Variants in GNB4 observed in about 807,000 individuals in gnomAD.
GNB4 encodes G protein subunit beta 4, also known as guanine nucleotide-binding protein subunit beta-4.
GNB4 carries 28 observed loss-of-function variants against 45.2 expected under a neutral mutation model. The observed-to-expected ratio is 0.62, with a 90% CI of 0.46 to 0.85. The LOEUF is 0.85. GNB4 is among the 40% of genes least tolerant of loss of function. The pLI, the probability that GNB4 is intolerant of heterozygous loss-of-function variation, is 0.00. For synonymous variants in GNB4, 132 were observed against 143.7 expected (o/e 0.92, Z 0.58); for missense variants, 321 against 425.4 (o/e 0.75, Z 2.16).
At chr3:179,527,538 A>G in the GNB4 span, among the ~76,000 whole-genome samples, 1 of 152,248 alleles carries the variant, frequency 6.6e-6, no homozygotes, top group African/African-American at 2.4e-5. Flanking sequence ...CAAGAATCCA[A>G]TGAGAAAACT....
chr3:179,443,699 T>C (rs906553356), intron 1 of GNB4, among the ~76,000 whole-genome samples: 3 of 152,230 alleles, frequency 2.0e-5, no homozygotes, highest in Admixed American at 2.0e-4. Flanking sequence ...CTTATGGTGA[T>C]ACTGTTCTGA....
At chr3:179,526,740 A>G in the GNB4 span, among the ~76,000 whole-genome samples, 1 of 152,214 alleles carries the variant, frequency 6.6e-6, no homozygotes, top group Non-Finnish European at 1.5e-5. Context: ...GTCTGGTTGT[A>G]TAAACTCTGG....
chr3:179,401,682 A>G (rs1714308286), intron 9 of GNB4, among the ~76,000 whole-genome samples: 1 of 152,210 alleles, frequency 6.6e-6, no homozygotes, highest in African/African-American at 2.4e-5. Flanking sequence ...TGAGCTATGT[A>G]TGCTATTCTC....
intron 8 of GNB4, among the ~76,000 whole-genome samples, chr3:179,406,972 T>C (rs544532996): frequency 9.8e-4 from 149 of 152,350 alleles, no homozygotes; most frequent in Non-Finnish European, 1.9e-3. Flanking sequence ...TTCTACTCAA[T>C]GTTTTTCTTC....
the GNB4 span, among the ~76,000 whole-genome samples, chr3:179,492,304 G>A: frequency 6.6e-6 from 1 of 152,114 alleles, no homozygotes; most frequent in Non-Finnish European, 1.5e-5. Context: ...GCTTCCCCTA[G>A]GAAAGGAGCA....
rs145041041 is a variant in GNB4, at chr3:179,403,038, T to C, written c.917-1719A>G. Among the ~76,000 whole-genome samples, 456 of 152,306 alleles carry C rather than the reference T, an allele frequency of 3.0e-3. 3 individuals carry two copies. The highest frequency in any genetic ancestry group is 0.011 in the African/African-American group (442 of 41,558). ...ATGTTGTGGTCCCTCAGGTTTTCTC[T>C]TGAAATCAGCCCTCAAACTGGCAGC... On this transcript the variant is annotated intron_variant, in intron 9 of 9. Coordinates refer to ENST00000232564, the MANE Select transcript of GNB4 (RefSeq NM_021629.4).
At chr3:179,489,044 A>C in the GNB4 span, among the ~76,000 whole-genome samples, 6 of 81,382 alleles carry the variant, frequency 7.4e-5, no homozygotes, top group African/African-American at 1.3e-4. Flanking sequence ...ATATATATAT[A>C]TAATATATAT....
chr3:179,503,220 G>A, the GNB4 span, among the ~76,000 whole-genome samples: 2 of 152,174 alleles, frequency 1.3e-5, no homozygotes, highest in African/African-American at 4.8e-5. Flanking sequence ...AGAATGATAA[G>A]CATGCTGAAG....
chr3:179,500,247 G>A, the GNB4 span, among the ~76,000 whole-genome samples: 1 of 152,114 alleles, frequency 6.6e-6, no homozygotes, highest in Non-Finnish European at 1.5e-5. Flanking sequence ...TCCATCTTGA[G>A]TTAATTTTTG....
the GNB4 span, among the ~76,000 whole-genome samples, chr3:179,499,073 G>A: frequency 1.3e-5 from 2 of 151,248 alleles, no homozygotes; most frequent in African/African-American, 2.4e-5. Flanking sequence ...CGTCATCCGT[G>A]TCCCTACAAA....
At chr3:179,476,209 G>C in the GNB4 span, among the ~76,000 whole-genome samples, 1 of 152,204 alleles carries the variant, frequency 6.6e-6, no homozygotes, top group African/African-American at 2.4e-5. Flanking sequence ...TTTCCAAAAG[G>C]AGGAAATGGG....
intron 8 of GNB4, among the ~76,000 whole-genome samples, chr3:179,406,785 T>C (rs1714483612): frequency 6.6e-6 from 1 of 152,040 alleles, no homozygotes; most frequent in Non-Finnish European, 1.5e-5. Context: ...GCTAATTTTT[T>C]TGCATTTTTA....
At chr3:179,438,918 T>TCC (rs111329606) in intron 1 of GNB4, among the ~76,000 whole-genome samples, 3 of 152,060 alleles carry the variant, frequency 2.0e-5, no homozygotes, top group African/African-American at 7.2e-5. Flanking sequence ...CTGTGGCCCA[T>TCC]CCCCCACCCT....
rs1459911526 is a variant in GNB4 at position 179,413,422 on chromosome 3, T to C, written c.689A>G (p.Asn230Ser). Residue 230 changes from asparagine to serine, a missense_variant, in exon 8 of 10, where the codon AAT becomes AGT. Physicochemically the swap from Asn to Ser is conservative, Grantham distance 46. Coordinates refer to ENST00000232564, the MANE Select transcript of GNB4 (RefSeq NM_021629.4). ...QSFTGHVSDI[N>S]AVSFFPNGYA... ...ATGCTATTCACTTACACTGACAGCA[T>C]TGATATCTGAGACATGTCCCGTGAA... is the stretch of plus-strand genomic sequence containing the variant. 6.8e-6 allele frequency: 11 copies of C among 1,613,170 alleles called. No homozygotes were observed. Among genetic ancestry groups the C allele is most frequent in the South Asian group, 1.1e-5 (1 of 91,078 alleles).
chr3:179,493,453 C>T, the GNB4 span, among the ~76,000 whole-genome samples: 16 of 151,018 alleles, frequency 1.1e-4, no homozygotes, highest in Non-Finnish European at 1.6e-4. Flanking sequence ...CAATAAAGAG[C>T]TTCAACAGCA....
upstream of GNB4, among the ~76,000 whole-genome samples, chr3:179,455,995 A>C (rs1172254055): frequency 1.3e-5 from 2 of 152,234 alleles, no homozygotes; most frequent in African/African-American, 2.4e-5. Flanking sequence ...CCAAGAGAAC[A>C]AGGAGGAAAT....
At chr3:179,461,463 C>T in the GNB4 span, among the ~76,000 whole-genome samples, 1 of 149,130 alleles carries the variant, frequency 6.7e-6, no homozygotes, top group Admixed American at 6.7e-5. Context: ...CGCCACTGCA[C>T]TCCAGCCTGG....
the GNB4 span, among the ~76,000 whole-genome samples, chr3:179,480,246 G>A: frequency 6.6e-6 from 1 of 152,186 alleles, no homozygotes; most frequent in African/African-American, 2.4e-5. Flanking sequence ...TACCCAGTCT[G>A]TGGTATTCTC....
the GNB4 span, among the ~76,000 whole-genome samples, chr3:179,491,110 T>C: frequency 1.3e-5 from 2 of 152,094 alleles, no homozygotes; most frequent in African/African-American, 2.4e-5. Flanking sequence ...TAAACACTCT[T>C]GAAACAAATA....
Sources: gnomAD v4.1 joint callset for allele counts (sites outside exome capture counted in the v4.1 genomes callset) on GRCh38, gnomAD v4.1.1 for gene constraint, MANE v1.5 for transcripts, NCBI Gene and HGNC (gene_info 2026-07-23, HGNC 2026-07-21) for gene names.